CEP112: variants seen among roughly 807,000 people sequenced by gnomAD.
CEP112 encodes centrosomal protein 112, also known as centrosomal protein of 112 kDa.
In CEP112, 127 loss-of-function variants were observed where a neutral mutation model predicts 153.0. The observed-to-expected ratio is 0.83, with a 90% CI of 0.72 to 0.96. The LOEUF is 0.96. Among genes scored for constraint, CEP112 ranks in the 40% least tolerant of loss-of-function variants. The probability of loss-of-function intolerance (pLI) is 0.00; values close to 1 mark genes in which losing one functional copy is unlikely to be tolerated. For synonymous variants in CEP112, 358 were observed against 374.4 expected, an observed-to-expected ratio of 0.96 and a Z score of 0.51; for missense variants, 1,089 against 1,101.2, an observed-to-expected ratio of 0.99 and a Z score of 0.16.
At chr17:65,940,695 G>C (rs2061479566) in intron 18 of CEP112, among the ~76,000 whole-genome samples, 1 of 152,138 alleles carries the variant, frequency 6.6e-6, no homozygotes, top group Non-Finnish European at 1.5e-5. Flanking sequence ...GTTGAACTCA[G>C]AAGTAGAGAG....
In CEP112 at chr17:65,881,559, T is replaced by C. The variant is rs554535822; in HGVS notation, c.2163+20593A>G. On this transcript the variant is annotated intron_variant, in intron 20 of 26. Transcript: ENST00000535342. ...GAGCTAAAGAGGTTTCTGAAGATGA[T>C]CTCAGACAATCTTTTGTCAATTAAC... 3.9e-5 allele frequency among the ~76,000 whole-genome samples: 6 copies of C among 152,308 alleles called. No individual in the cohort carries two copies. In the East Asian group the frequency reaches 1.2e-3, roughly 29 times the overall value.
chr17:66,071,595 CTCAT>C (rs1014550345), intron 8 of CEP112, among the ~76,000 whole-genome samples: 5 of 152,122 alleles, frequency 3.3e-5, no homozygotes, highest in Admixed American at 2.6e-4. Flanking sequence ...CCGGCCCTAC[CTCAT>C]TATTTATTGA....
At chr17:66,047,753 T>C (rs1036187857) in intron 12 of CEP112, among the ~76,000 whole-genome samples, 12 of 152,234 alleles carry the variant, frequency 7.9e-5, no homozygotes, top group African/African-American at 2.9e-4. Flanking sequence ...TATAAAACTT[T>C]ATACAACAAA....
intron 20 of CEP112, 140 bp downstream of exon 20, chr17:65,902,012 A>AAAAAAAAAAAAAT: frequency 2.2e-6 from 1 of 444,894 alleles, no homozygotes; most frequent in Non-Finnish European, 3.9e-6. Flanking sequence ...GGGGGAGAAA[A>AAAAAAAAAAAAAT]ACAAAAAAAA....
chr17:66,157,218 A>G (rs1402217435), intron 4 of CEP112, among the ~76,000 whole-genome samples: 2 of 152,218 alleles, frequency 1.3e-5, no homozygotes, highest in Non-Finnish European at 1.5e-5. Context: ...AGTGGGGGCC[A>G]ATATTCAACA....
chr17:65,658,169 G>A (rs2046154483), intron 24 of CEP112, among the ~76,000 whole-genome samples: 1 of 152,234 alleles, frequency 6.6e-6, no homozygotes, highest in South Asian at 2.1e-4. Context: ...GGTACACAGT[G>A]CGTAACTGCT....
In CEP112 at chr17:65,935,073, C is replaced by T. The variant is rs1183770332; in HGVS notation, c.1873-7384G>A. 4.6e-5 allele frequency among the ~76,000 whole-genome samples: 7 copies of T among 152,254 alleles called. No individual in the cohort carries two copies. In the East Asian group the frequency reaches 9.6e-4, roughly 21 times the overall value. On this transcript the variant is annotated intron_variant, in intron 18 of 26. Coordinates refer to ENST00000535342, the MANE Select transcript of CEP112 (RefSeq NM_001199165.4). ...CCTCTACCTGGTCCCACACTTCATACGTGGGGATTATGGGGATTACAATTT... is the reference window on the plus strand; with the variant it reads ...CCTCTACCTGGTCCCACACTTCATATGTGGGGATTATGGGGATTACAATTT...
At chr17:66,132,646 A>C in intron 5 of CEP112, 24 bp downstream of exon 5, 1 of 1,556,682 alleles carries the variant, frequency 6.4e-7, no homozygotes, top group Non-Finnish European at 8.9e-7. Context: ...GCAAAAACCA[A>C]ACAAAAGTAA....
intron 18 of CEP112, among the ~76,000 whole-genome samples, chr17:65,929,523 A>T (rs929541282): frequency 1.3e-5 from 2 of 152,074 alleles, no homozygotes; most frequent in African/African-American, 4.8e-5. Context: ...GTACATTGCA[A>T]TTCCCCAGCC....
At chr17:66,041,380 G>A (rs1260408702) in intron 12 of CEP112, among the ~76,000 whole-genome samples, 4 of 151,938 alleles carry the variant, frequency 2.6e-5, no homozygotes, top group Non-Finnish European at 5.9e-5. Context: ...TGTATAGCAG[G>A]TCCTCAAATA....
At chr17:65,654,042 G>C (rs1020527506) in intron 24 of CEP112, among the ~76,000 whole-genome samples, 6 of 92,836 alleles carry the variant, frequency 6.5e-5, no homozygotes, top group Non-Finnish European at 1.2e-4. Flanking sequence ...CTGGCAACCA[G>C]AGCAAGACTC....
At chr17:65,928,468 A>T (rs1305821802) in intron 18 of CEP112, among the ~76,000 whole-genome samples, 1 of 152,248 alleles carries the variant, frequency 6.6e-6, no homozygotes, top group Non-Finnish European at 1.5e-5. Flanking sequence ...CTTTGTCTAC[A>T]AATGTTTATA....
At chr17:66,149,868 G>GTTTTGTTTTTTTTTTTTTTTTTTTTTT (rs1568549079) in intron 4 of CEP112, among the ~76,000 whole-genome samples, 1 of 79,550 alleles carries the variant, frequency 1.3e-5, no homozygotes, top group African/African-American at 4.8e-5. Context: ...TAAATTTAGG[G>GTTTTGTTTTTTTTTTTTTTTTTTTTTT]TTTTTTTTTT....
chr17:65,970,291 T>C (rs957383213), intron 17 of CEP112, among the ~76,000 whole-genome samples: 1 of 142,328 alleles, frequency 7.0e-6, no homozygotes, highest in African/African-American at 2.5e-5. Flanking sequence ...AGCATGGATG[T>C]CATACTGCAT....
chr17:66,042,819 A>G (rs1317757044), intron 12 of CEP112, among the ~76,000 whole-genome samples: 1 of 148,130 alleles, frequency 6.8e-6, no homozygotes, highest in African/African-American at 2.4e-5. Flanking sequence ...ATCTTCTTAA[A>G]TTTTCTGTAA....
At chr17:65,771,911 C>CTTGGGAG (rs1470900647) in intron 21 of CEP112, among the ~76,000 whole-genome samples, 2 of 151,638 alleles carry the variant, frequency 1.3e-5, no homozygotes, top group East Asian at 3.9e-4. Flanking sequence ...TTCCTAGCTA[C>CTTGGGAG]TTGGGAGTTG....
At chr17:65,817,986 A>T (rs1281345720) in intron 21 of CEP112, among the ~76,000 whole-genome samples, 14 of 151,820 alleles carry the variant, frequency 9.2e-5, no homozygotes, top group African/African-American at 2.9e-4. Context: ...GTTAAAATAT[A>T]TTTTCATCCA....
At chr17:66,154,160 A>C (rs1482043147) in intron 4 of CEP112, among the ~76,000 whole-genome samples, 1 of 144,126 alleles carries the variant, frequency 6.9e-6, no homozygotes, top group African/African-American at 2.6e-5. Context: ...GCCTAGCAAC[A>C]GAGTGAGACT....
intron 4 of CEP112, among the ~76,000 whole-genome samples, chr17:66,171,899 C>T (rs1214415265): frequency 2.6e-5 from 4 of 152,178 alleles, no homozygotes; most frequent in Non-Finnish European, 4.4e-5. Flanking sequence ...TCCTTTCCAG[C>T]TCCTTCATTG....
Sources: gnomAD v4.1 joint callset for allele counts (sites outside exome capture counted in the v4.1 genomes callset) on GRCh38, gnomAD v4.1.1 for gene constraint, MANE v1.5 for transcripts, NCBI Gene and HGNC (gene_info 2026-07-23, HGNC 2026-07-21) for gene names.